Variants in NAV3 observed in about 807,000 individuals in gnomAD.
NAV3 encodes the protein neuron navigator 3, also known as pore membrane and/or filament interacting like protein 1.
A neutral mutation model predicts 244.7 loss-of-function variants in NAV3; 87 were observed. The ratio of observed to expected loss-of-function variants is 0.36; its 90% CI spans 0.30 to 0.42. NAV3 has a LOEUF of 0.42. Among genes scored for constraint, NAV3 ranks in the 20% least tolerant of loss-of-function variants. The probability of loss-of-function intolerance (pLI) is 1.00; values close to 1 mark genes in which losing one functional copy is unlikely to be tolerated. For missense variants in NAV3, 2,663 were observed against 2,893.3 expected (o/e 0.92, Z 1.83); for synonymous variants, 1,126 against 1,042.2 (o/e 1.08, Z -1.55).
chr12:78,179,283 A>G, intron 28 of NAV3: 1 of 369,642 alleles, frequency 2.7e-6, no homozygotes, highest in South Asian at 5.1e-5. Context: ...TATATTCAGT[A>G]AGAGTAGACT....
At chr12:78,121,131 T>C (rs982573774) in intron 15 of NAV3, among the ~76,000 whole-genome samples, 3 of 152,346 alleles carry the variant, frequency 2.0e-5, no homozygotes, top group South Asian at 2.1e-4. Flanking sequence ...GTAGGAAATA[T>C]GGATTTCATT....
chr12:77,608,445 C>T (rs1005811200), intron 2 of NAV3, among the ~76,000 whole-genome samples: 27 of 152,144 alleles, frequency 1.8e-4, no homozygotes, highest in Admixed American at 8.5e-4. Context: ...TTATCCTCTG[C>T]ATGTAATTTA....
At chr12:77,958,251 A>C (rs151152184) in intron 3 of NAV3, among the ~76,000 whole-genome samples, 3 of 152,166 alleles carry the variant, frequency 2.0e-5, no homozygotes, top group Admixed American at 2.0e-4. Flanking sequence ...TCCATTTTTC[A>C]TGTGAGTAGT....
At chr12:77,614,971 C>T (rs1871092689) in intron 2 of NAV3, among the ~76,000 whole-genome samples, 1 of 152,074 alleles carries the variant, frequency 6.6e-6, no homozygotes, top group Non-Finnish European at 1.5e-5. Context: ...AATATGAGCT[C>T]TAAGCTGAGC....
chr12:77,908,127 G>A (rs1362400042), intron 1 of NAV3, among the ~76,000 whole-genome samples: 1 of 152,046 alleles, frequency 6.6e-6, no homozygotes, highest in Non-Finnish European at 1.5e-5. Flanking sequence ...ATAATGAGCT[G>A]TTGTATGTAA....
chr12:78,161,269 T>C (rs989700552), intron 23 of NAV3, among the ~76,000 whole-genome samples: 3 of 152,076 alleles, frequency 2.0e-5, no homozygotes, highest in Non-Finnish European at 4.4e-5. Flanking sequence ...TGCTAGGGGC[T>C]ACCAAAAAAT....
At chr12:78,189,087 G>A (rs538664219) in intron 33 of NAV3, among the ~76,000 whole-genome samples, 1 of 151,866 alleles carries the variant, frequency 6.6e-6, no homozygotes, top group South Asian at 2.1e-4. Context: ...ATTACAGGAG[G>A]ATTCAAAACA....
intron 1 of NAV3, among the ~76,000 whole-genome samples, chr12:77,894,975 C>A (rs117766383): frequency 2.1e-3 from 325 of 152,280 alleles, no homozygotes; most frequent in Non-Finnish European, 3.0e-3. Flanking sequence ...AGCAGATATT[C>A]CTCCGGTATC....
At chr12:78,162,882 A>AAT (rs1280279095) in intron 23 of NAV3, among the ~76,000 whole-genome samples, 7 of 139,308 alleles carry the variant, frequency 5.0e-5, no homozygotes, top group African/African-American at 2.0e-4. Flanking sequence ...ATATATATAT[A>AAT]ATATATATAA....
intron 12 of NAV3, among the ~76,000 whole-genome samples, chr12:78,067,292 C>A (rs951193446): frequency 6.6e-6 from 1 of 152,024 alleles, no homozygotes; most frequent in African/African-American, 2.4e-5. Flanking sequence ...GATTAACAGG[C>A]TGAGATGGAA....
At chr12:77,810,544 C>T (rs1872238871) in intron 2 of NAV3, among the ~76,000 whole-genome samples, 1 of 152,128 alleles carries the variant, frequency 6.6e-6, no homozygotes, top group African/African-American at 2.4e-5. Context: ...TAAATTGACA[C>T]ATTATTCCAT....
intron 2 of NAV3, among the ~76,000 whole-genome samples, chr12:77,820,117 C>T (rs1872677138): frequency 6.6e-6 from 1 of 151,800 alleles, no homozygotes; most frequent in Admixed American, 6.6e-5. Flanking sequence ...TGTGCACACG[C>T]ACTATTCTGG....
At chr12:77,770,282 C>T (rs1224931811) in intron 2 of NAV3, among the ~76,000 whole-genome samples, 1 of 152,042 alleles carries the variant, frequency 6.6e-6, no homozygotes, top group Admixed American at 6.6e-5. Flanking sequence ...GTACCTGTGG[C>T]AGGATAGTAG....
rs1372347275 is a variant in NAV3, at chr12:77,601,601, TAAG to T, written c.72+29339_72+29341del. Among the ~76,000 whole-genome samples the T allele has an allele frequency of 2.6e-5, 4 of 152,014 alleles. No individual in the cohort carries two copies. The East Asian group carries it at 7.7e-4, about 29-fold the overall frequency. On this transcript the variant is annotated intron_variant, in intron 2 of 8. Transcript: ENST00000550042. The stretch of plus-strand genomic sequence containing the variant: ...GTGCATAGTAAGGAGTGGTAAGAAG[TAAG>T]AAGGATTTCAAACATGTACCTATGT...
chr12:77,937,335 T>A (rs1889418250), intron 1 of NAV3, among the ~76,000 whole-genome samples: 1 of 152,188 alleles, frequency 6.6e-6, no homozygotes, highest in African/African-American at 2.4e-5. Context: ...AACACAGGTA[T>A]TACCAACAAG....
At position 77,586,876 on chromosome 12, in the gene NAV3, C is replaced by G. The variant is rs116015243; in HGVS notation, c.72+14610C>G. On this transcript the variant is annotated intron_variant, in intron 2 of 8. Coordinates refer to the NAV3 transcript ENST00000550042. ...AAGTTCAATAGGCTGCTGAAATGTT[C>G]TGGTGAGAATACAATGTAGAATGGG... 4.6e-4 allele frequency among the ~76,000 whole-genome samples: 70 copies of G among 152,146 alleles called. 1 individual carries two copies. The highest frequency in any genetic ancestry group is 1.5e-3 in the African/African-American group (64 of 41,490).
At chr12:78,024,951 G>C (rs942605316) in intron 9 of NAV3, among the ~76,000 whole-genome samples, 1 of 151,302 alleles carries the variant, frequency 6.6e-6, no homozygotes. Flanking sequence ...CTCCAGACTG[G>C]GAGACAGAGC....
intron 2 of NAV3, among the ~76,000 whole-genome samples, chr12:77,649,707 T>C (rs1565752944): frequency 6.6e-6 from 1 of 152,204 alleles, no homozygotes; most frequent in African/African-American, 2.4e-5. Context: ...GCAGTTAGTC[T>C]TGACAAATAT....
chr12:77,676,078 T>G (rs1386414408), intron 2 of NAV3, among the ~76,000 whole-genome samples: 2 of 152,256 alleles, frequency 1.3e-5, no homozygotes, highest in African/African-American at 4.8e-5. Flanking sequence ...TGCTAGCTTT[T>G]TTTTTTAAAT....
Sources: gnomAD v4.1 joint callset for allele counts (sites outside exome capture counted in the v4.1 genomes callset) on GRCh38, gnomAD v4.1.1 for gene constraint, MANE v1.5 for transcripts, NCBI Gene and HGNC (gene_info 2026-07-23, HGNC 2026-07-21) for gene names.